Variants in MDGA2 observed in about 807,000 individuals in gnomAD.
MDGA2 encodes MAM domain-containing glycosylphosphatidylinositol anchor protein 2.
Under a neutral mutation model 117.8 loss-of-function variants are expected in MDGA2, and 40 were observed. That is an observed-to-expected ratio of 0.34 (90% confidence interval 0.26 to 0.44). The LOEUF is 0.44. Ranked by LOEUF, MDGA2 falls within the 20% of genes least tolerant of loss-of-function variation. The probability of loss-of-function intolerance (pLI) is 1.00; values close to 1 mark genes in which losing one functional copy is unlikely to be tolerated. For missense variants in MDGA2, 1,123 were observed against 1,250.6 expected (o/e 0.90, Z 1.54); for synonymous variants, 452 against 439.0 (o/e 1.03, Z -0.37).
chr14:47,141,038 G>GA (rs1882695485), intron 4 of MDGA2, among the ~76,000 whole-genome samples: 1 of 152,010 alleles, frequency 6.6e-6, no homozygotes, highest in Non-Finnish European at 1.5e-5. Flanking sequence ...ACAGTTATGT[G>GA]AAAAAATGCT....
At chr14:47,285,071 G>A (rs1050034555) in intron 2 of MDGA2, among the ~76,000 whole-genome samples, 2 of 152,106 alleles carry the variant, frequency 1.3e-5, no homozygotes, top group African/African-American at 4.8e-5. Context: ...GCTCTCCAGA[G>A]AGGGGATCCA....
chr14:47,368,108 C>T (rs1383095881), intron 1 of MDGA2, among the ~76,000 whole-genome samples: 1 of 151,308 alleles, frequency 6.6e-6, no homozygotes, highest in Non-Finnish European at 1.5e-5. Context: ...GGTGAAACCC[C>T]GTCTGTACTA....
intron 1 of MDGA2, among the ~76,000 whole-genome samples, chr14:47,358,208 C>G (rs1425244445): frequency 6.6e-6 from 1 of 152,176 alleles, no homozygotes; most frequent in East Asian, 1.9e-4. Context: ...GAAGCATGAT[C>G]AGCAACTGCT....
At chr14:47,470,120 ATT>A (rs35293636) in intron 1 of MDGA2, among the ~76,000 whole-genome samples, 3 of 148,502 alleles carry the variant, frequency 2.0e-5, no homozygotes, top group East Asian at 4.0e-4. Flanking sequence ...ATTTATTTTT[ATT>A]TTTTTTTTGA....
intron 7 of MDGA2, among the ~76,000 whole-genome samples, chr14:47,058,154 C>T (rs2138767720): frequency 6.6e-6 from 1 of 152,096 alleles, no homozygotes; most frequent in Middle Eastern, 3.4e-3. Flanking sequence ...AACACAGTAA[C>T]ACTCAAATTG....
intron 3 of MDGA2, among the ~76,000 whole-genome samples, chr14:47,155,592 C>A (rs944608604): frequency 2.0e-5 from 3 of 152,078 alleles, no homozygotes; most frequent in South Asian, 2.1e-4. Flanking sequence ...TTGCCCACCC[C>A]GCTACAGCTG....
At chr14:47,666,686 G>A (rs4343171) in intron 1 of MDGA2, among the ~76,000 whole-genome samples, 8 of 151,984 alleles carry the variant, frequency 5.3e-5, no homozygotes, top group African/African-American at 9.7e-5. Context: ...CAGGCTGCCT[G>A]AGCCAGCAGT....
chr14:47,602,090 G>A (rs1594938575), intron 1 of MDGA2, among the ~76,000 whole-genome samples: 1 of 152,180 alleles, frequency 6.6e-6, no homozygotes, highest in Non-Finnish European at 1.5e-5. Context: ...AGCTCCTCTC[G>A]GGACTGAAAA....
chr14:46,906,969 T>C (rs1883518005), intron 10 of MDGA2, among the ~76,000 whole-genome samples: 1 of 123,824 alleles, frequency 8.1e-6, no homozygotes, highest in African/African-American at 2.9e-5. Context: ...TGCTTACCTT[T>C]TTCTTTTTTT....
At chr14:47,036,061 A>T (rs1180518542) in intron 7 of MDGA2, among the ~76,000 whole-genome samples, 1 of 151,972 alleles carries the variant, frequency 6.6e-6, no homozygotes, top group Non-Finnish European at 1.5e-5. Context: ...CGAGGTCAGG[A>T]GATCGAGACC....
intron 1 of MDGA2, among the ~76,000 whole-genome samples, chr14:47,559,893 G>A (rs957655755): frequency 6.6e-6 from 1 of 151,962 alleles, no homozygotes; most frequent in Non-Finnish European, 1.5e-5. Context: ...ATGGTGGAAT[G>A]ATTTATATTC....
chr14:46,899,951 T>C (rs1303568182), intron 10 of MDGA2, among the ~76,000 whole-genome samples: 1 of 152,026 alleles, frequency 6.6e-6, no homozygotes, highest in Non-Finnish European at 1.5e-5. Context: ...AATGTGTCAA[T>C]ATCCATATAT....
At chr14:46,877,215 C>T (rs189329684) in intron 12 of MDGA2, among the ~76,000 whole-genome samples, 36 of 151,574 alleles carry the variant, frequency 2.4e-4, no homozygotes, top group Admixed American at 9.9e-4. Context: ...CCCACAGCTG[C>T]AGAAATAGCA....
At chr14:47,213,384 T>C (rs1459474184) in intron 3 of MDGA2, among the ~76,000 whole-genome samples, 1 of 152,206 alleles carries the variant, frequency 6.6e-6, no homozygotes, top group Non-Finnish European at 1.5e-5. Context: ...TTCGTTTTTT[T>C]CCTAATGTTT....
chr14:47,130,331 A>G (rs1594652693), intron 5 of MDGA2, among the ~76,000 whole-genome samples: 1 of 152,228 alleles, frequency 6.6e-6, no homozygotes, highest in East Asian at 1.9e-4. Context: ...TTTTCCCAGC[A>G]CCATTTATTA....
chr14:47,301,020 C>G (rs544987680), intron 2 of MDGA2, among the ~76,000 whole-genome samples: 6 of 152,042 alleles, frequency 3.9e-5, no homozygotes, highest in Admixed American at 3.3e-4. Flanking sequence ...AAATACCTCT[C>G]GGTTGCAATT....
At chr14:47,256,541 A>G (rs901903896) in intron 2 of MDGA2, among the ~76,000 whole-genome samples, 6 of 152,156 alleles carry the variant, frequency 3.9e-5, no homozygotes, top group Admixed American at 2.6e-4. Context: ...CAAACACAGC[A>G]TGCACGGAAG....
chr14:47,035,685 G>A (rs937822217), intron 7 of MDGA2, among the ~76,000 whole-genome samples: 4 of 152,220 alleles, frequency 2.6e-5, no homozygotes, highest in African/African-American at 9.6e-5. Flanking sequence ...TAGTCAGAAA[G>A]GGAAAAAGAG....
At chr14:47,208,008 A>G (rs1016442472) in intron 3 of MDGA2, among the ~76,000 whole-genome samples, 5 of 152,058 alleles carry the variant, frequency 3.3e-5, no homozygotes, top group Non-Finnish European at 7.4e-5. Context: ...GCAAGGTCAG[A>G]TGTACTCTCT....
Sources: gnomAD v4.1 joint callset for allele counts (sites outside exome capture counted in the v4.1 genomes callset) on GRCh38, gnomAD v4.1.1 for gene constraint, MANE v1.5 for transcripts, NCBI Gene and HGNC (gene_info 2026-07-23, HGNC 2026-07-21) for gene names.